Variants in PKN2 observed in about 807,000 individuals in gnomAD.
PKN2 encodes the protein serine/threonine-protein kinase N2.
PKN2 carries 38 observed loss-of-function variants against 119.1 expected under a neutral mutation model. The observed-to-expected ratio is 0.32, with a 90% confidence interval of 0.25 to 0.42. The LOEUF is 0.42. Ranked by LOEUF, PKN2 falls within the 10% of genes least tolerant of loss-of-function variation. The probability of loss-of-function intolerance (pLI) is 1.00; values close to 1 mark genes in which losing one functional copy is unlikely to be tolerated. For synonymous variants in PKN2, 390 were observed against 384.9 expected (o/e 1.01, Z -0.15); for missense variants, 850 against 1,165.1 (o/e 0.73, Z 3.94).
chr1:88,831,526 T>C (rs1672733575), intron 19 of PKN2, among the ~76,000 whole-genome samples: 1 of 151,946 alleles, frequency 6.6e-6, no homozygotes, highest in African/African-American at 2.4e-5. Context: ...TTTATGTATT[T>C]TGAGTGAGTG....
At chr1:88,772,275 A>G (rs1004872934) in intron 6 of PKN2, among the ~76,000 whole-genome samples, 5 of 152,212 alleles carry the variant, frequency 3.3e-5, no homozygotes, top group Non-Finnish European at 7.3e-5. Flanking sequence ...TCTTTTACTT[A>G]GCATATTGTT....
intron 8 of PKN2, among the ~76,000 whole-genome samples, chr1:88,801,745 A>G (rs1671319287): frequency 6.6e-6 from 1 of 152,232 alleles, no homozygotes; most frequent in Non-Finnish European, 1.5e-5. Flanking sequence ...CAGCAAGGCA[A>G]TCTTTACTTT....
At position 88,684,279 on chromosome 1, in the gene PKN2, G is replaced by A; in HGVS notation, c.-302G>A. 5.9e-6 allele frequency: 2 copies of A among 338,814 alleles called. No individual in the cohort carries two copies. The highest frequency in any genetic ancestry group is 1.1e-5 in the Non-Finnish European group (2 of 185,672). 21.0% of individuals were successfully genotyped at this position (338,814 alleles called of 1,614,324 possible). Reference sequence around the variant, plus strand: ...GACAGGAGGAGCTGCAGCCGCGGCCGCAGCGCCCGCACGGAGAGGCTTGAG... The same window carrying A: ...GACAGGAGGAGCTGCAGCCGCGGCCACAGCGCCCGCACGGAGAGGCTTGAG... On this transcript the variant is annotated 5_prime_UTR_variant, in exon 1 of 22. Coordinates refer to ENST00000370521, the MANE Select transcript of PKN2 (RefSeq NM_006256.4).
chr1:88,695,167 T>C (rs770142668), intron 1 of PKN2, among the ~76,000 whole-genome samples: 2 of 152,128 alleles, frequency 1.3e-5, no homozygotes, highest in Non-Finnish European at 2.9e-5. Flanking sequence ...GACGTCTTTA[T>C]AATGCAAATT....
intron 8 of PKN2, among the ~76,000 whole-genome samples, chr1:88,786,539 T>C (rs1241876077): frequency 1.3e-5 from 2 of 152,234 alleles, no homozygotes; most frequent in Admixed American, 6.5e-5. Flanking sequence ...TGGCTCACCA[T>C]GTGTAGGTTA....
In PKN2 at chr1:88,724,882, G is replaced by GTTTTTTTTTT. The variant is rs60507382; in HGVS notation, c.49-16095_49-16086dup. On this transcript the variant is annotated intron_variant, in intron 1 of 21. Transcript: ENST00000370521. ...CCACTGTGCCCGCCCCCACCCCTTG[G>GTTTTTTTTTT]TTTTTTTTTTTTTTTTTTTTCCTTC... Among the ~76,000 whole-genome samples the GTTTTTTTTTT allele has an allele frequency of 1.7e-3, 177 of 105,964 alleles. 3 individuals carry two copies. Among genetic ancestry groups the GTTTTTTTTTT allele is most frequent in the African/African-American group, 7.2e-3 (169 of 23,466 alleles). 69.5% of individuals were successfully genotyped at this position (105,964 alleles called of 152,430 possible). A position where few individuals can be genotyped will look rare whatever the true frequency, so the allele number is the denominator to read the frequency against.
chr1:88,718,316 A>G (rs567319371), intron 1 of PKN2, among the ~76,000 whole-genome samples: 2 of 152,252 alleles, frequency 1.3e-5, no homozygotes, highest in East Asian at 1.9e-4. Context: ...TCAGATCTCA[A>G]ACTCCGTCCT....
chr1:88,775,677 C>T (rs761164850), intron 6 of PKN2, among the ~76,000 whole-genome samples: 8 of 152,168 alleles, frequency 5.3e-5, no homozygotes, highest in Non-Finnish European at 7.4e-5. Flanking sequence ...AACTCTTTGA[C>T]TGTGCCCTTG....
intron 8 of PKN2, among the ~76,000 whole-genome samples, chr1:88,790,521 C>T (rs539037200): frequency 1.1e-3 from 167 of 152,220 alleles, no homozygotes; most frequent in African/African-American, 3.2e-3. Flanking sequence ...GTATTACAGT[C>T]GAGAATTCTG....
At position 88,829,213 on chromosome 1, in the gene PKN2, T is replaced by G. The variant is rs962958823; in HGVS notation, c.2562+590T>G. On this transcript the variant is annotated intron_variant, in intron 19 of 21. Transcript: ENST00000370521. ...TTTATTGTAAAAACAGAACGTACAT[T>G]AACATCAGCACGATAAAAGCCATGT... The G allele has an allele frequency of 4.1e-6, 3 of 731,160 alleles. No individual in the cohort carries two copies. The African/African-American group carries it at 5.2e-5, about 13-fold the overall frequency. 45.3% of individuals were successfully genotyped at this position (731,160 alleles called of 1,614,324 possible).
intron 6 of PKN2, chr1:88,781,072 C>A: frequency 2.6e-6 from 3 of 1,161,596 alleles, no homozygotes; most frequent in Non-Finnish European, 2.2e-6. Flanking sequence ...CCTACTGGAC[C>A]ATAAACTAAA....
chr1:88,813,872 A>G, intron 16 of PKN2, 139 bp downstream of exon 16: 2 of 628,360 alleles, frequency 3.2e-6, no homozygotes, highest in Non-Finnish European at 5.1e-6. Flanking sequence ...CTCCTTACTT[A>G]CTTTTTTGCC....
At chr1:88,720,415 G>C (rs1570528372) in intron 1 of PKN2, among the ~76,000 whole-genome samples, 1 of 152,048 alleles carries the variant, frequency 6.6e-6, no homozygotes, top group African/African-American at 2.4e-5. Context: ...GCCTCTATTG[G>C]AGTCACTTCC....
rs1659485630 is a variant in PKN2, at chr1:88,834,410, A to G, written c.*962A>G. On this transcript the variant is annotated 3_prime_UTR_variant, in exon 22 of 22. Transcript: ENST00000370521. ...GATTATCATTGTATACATGCTGTGA[A>G]CATGTATATGTGCAAGTTTTAATGT... 6.6e-6 allele frequency: 1 copy of G among 152,460 alleles called. No homozygotes were observed. Among genetic ancestry groups the G allele is most frequent in the Non-Finnish European group, 1.5e-5 (1 of 67,964 alleles). 9.4% of individuals were successfully genotyped at this position (152,460 alleles called of 1,614,324 possible).
chr1:88,793,868 C>T (rs913509250), intron 8 of PKN2, among the ~76,000 whole-genome samples: 2 of 152,114 alleles, frequency 1.3e-5, no homozygotes, highest in African/African-American at 4.8e-5. Flanking sequence ...AGTACAAATA[C>T]AACTATCCTT....
chr1:88,833,505 AC>A lies in PKN2; in HGVS notation c.*60del. On this transcript the variant is annotated 3_prime_UTR_variant, in exon 22 of 22. Transcript: ENST00000370521. ...ACAAGAAGACCTCTTAAAAATAGCA[AC>A]CCTTCATTTGCTCTCTGTGCCACCA... is the stretch of plus-strand genomic sequence containing the variant. The A allele has an allele frequency of 7.3e-7, 1 of 1,362,148 alleles. No individual in the cohort carries two copies. The highest frequency in any genetic ancestry group is 1.8e-4 in the Middle Eastern group (1 of 5,564). 84.4% of individuals were successfully genotyped at this position (1,362,148 alleles called of 1,614,324 possible).
intron 2 of PKN2, among the ~76,000 whole-genome samples, chr1:88,747,481 G>T (rs1432403249): frequency 6.6e-6 from 1 of 152,078 alleles, no homozygotes. Context: ...TATGAAAAAA[G>T]ATTACTGATC....
intron 1 of PKN2, among the ~76,000 whole-genome samples, chr1:88,737,674 A>G (rs1668409315): frequency 6.6e-6 from 1 of 152,106 alleles, no homozygotes; most frequent in South Asian, 2.1e-4. Flanking sequence ...TAGTATCGGG[A>G]TGGGTCCTTG....
At chr1:88,823,638 A>G (rs1445455187) in intron 17 of PKN2, among the ~76,000 whole-genome samples, 1 of 141,346 alleles carries the variant, frequency 7.1e-6, no homozygotes, top group African/African-American at 2.6e-5. Flanking sequence ...TGGAAAGTGG[A>G]TGTTGCAGTG....
Sources: allele counts gnomAD v4.1 joint callset (sites outside exome capture counted in the v4.1 genomes callset), GRCh38; gene constraint gnomAD v4.1.1; transcripts MANE v1.5; gene names NCBI Gene and HGNC (gene_info 2026-07-23, HGNC 2026-07-21).